Variants in R3HDM1 observed in about 807,000 individuals in gnomAD.
R3HDM1 encodes the protein R3H domain-containing protein 1.
A neutral mutation model predicts 141.1 loss-of-function variants in R3HDM1; 46 were observed. The ratio of observed to expected loss-of-function variants is 0.33; its 90% CI spans 0.26 to 0.42. The LOEUF is 0.42. Among genes scored for constraint, R3HDM1 ranks in the 10% least tolerant of loss-of-function variants. R3HDM1 has a pLI of 1.00. For synonymous variants in R3HDM1, 435 were observed against 472.9 expected (o/e 0.92, Z 1.04); for missense variants, 1,184 against 1,368.3 (o/e 0.87, Z 2.12).
At chr2:135,628,570 A>G (rs758563583) in intron 7 of R3HDM1, among the ~76,000 whole-genome samples, 5 of 152,216 alleles carry the variant, frequency 3.3e-5, no homozygotes, top group Non-Finnish European at 7.3e-5. Context: ...CAGAAAATCA[A>G]TTTAAATGTA....
intron 21 of R3HDM1, among the ~76,000 whole-genome samples, chr2:135,691,430 A>G (rs2072356589): frequency 6.6e-6 from 1 of 152,134 alleles, no homozygotes. Context: ...CCTGGGCAAC[A>G]TAGCAAAACC....
At chr2:135,546,705 A>G (rs1300455680) in intron 1 of R3HDM1, among the ~76,000 whole-genome samples, 1 of 152,106 alleles carries the variant, frequency 6.6e-6, no homozygotes, top group African/African-American at 2.4e-5. Context: ...ACCACAGAAA[A>G]GAAATGGTTA....
intron 21 of R3HDM1, among the ~76,000 whole-genome samples, chr2:135,685,650 G>A (rs1451394755): frequency 6.6e-6 from 1 of 152,024 alleles, no homozygotes; most frequent in Non-Finnish European, 1.5e-5. Flanking sequence ...TATATTCATT[G>A]AGACTCTTCA....
chr2:135,593,743 C>CG (rs61175419), intron 1 of R3HDM1, among the ~76,000 whole-genome samples: 6,711 of 151,974 alleles, frequency 0.044, 498 homozygotes, highest in African/African-American at 0.15. Flanking sequence ...TTTTTTGAGA[C>CG]GGAGTCTGAC....
intron 16 of R3HDM1, among the ~76,000 whole-genome samples, chr2:135,646,634 G>T (rs2064465070): frequency 6.6e-6 from 1 of 151,376 alleles, no homozygotes. Flanking sequence ...GATCACCTGA[G>T]GTCAGGAGTT....
At chr2:135,598,493 C>T (rs2059371883) in intron 1 of R3HDM1, among the ~76,000 whole-genome samples, 1 of 152,130 alleles carries the variant, frequency 6.6e-6, no homozygotes, top group South Asian at 2.1e-4. Context: ...CACAAATTGC[C>T]CCTCTTCTTG....
At chr2:135,673,622 A>C (rs1318516126) in intron 19 of R3HDM1, among the ~76,000 whole-genome samples, 1 of 152,234 alleles carries the variant, frequency 6.6e-6, no homozygotes, top group Non-Finnish European at 1.5e-5. Context: ...AAGGTTTAGA[A>C]AACAGCATAT....
intron 14 of R3HDM1, 105 bp from the exon 15 acceptor site, chr2:135,641,431 G>A (rs1004044044): frequency 7.8e-7 from 1 of 1,273,888 alleles, no homozygotes; most frequent in Admixed American, 2.5e-5. Context: ...ATGCTTTTAT[G>A]TAGTAACTGC....
At chr2:135,658,948 G>A (rs577806927) in intron 18 of R3HDM1, among the ~76,000 whole-genome samples, 126 of 152,128 alleles carry the variant, frequency 8.3e-4, no homozygotes, top group African/African-American at 2.8e-3. Context: ...GGTCTTCAGA[G>A]GCAGTAACAC....
At chr2:135,539,023 C>T (rs185428382) in intron 1 of R3HDM1, among the ~76,000 whole-genome samples, 14 of 152,302 alleles carry the variant, frequency 9.2e-5, no homozygotes, top group Admixed American at 8.5e-4. Context: ...GGGTCAGTAT[C>T]ATCAGTATCA....
intron 1 of R3HDM1, among the ~76,000 whole-genome samples, chr2:135,570,415 T>G (rs1703847033): frequency 6.6e-6 from 1 of 152,272 alleles, no homozygotes; most frequent in African/African-American, 2.4e-5. Context: ...ATCTTTCATT[T>G]GATTTCTGTT....
intron 1 of R3HDM1, among the ~76,000 whole-genome samples, chr2:135,566,279 A>G (rs1702776468): frequency 6.6e-6 from 1 of 152,196 alleles, no homozygotes. Context: ...GGGGGGAAGC[A>G]AGGGAGTTTT....
chr2:135,548,807 T>C (rs982311700), intron 1 of R3HDM1, among the ~76,000 whole-genome samples: 1 of 152,260 alleles, frequency 6.6e-6, no homozygotes, highest in Admixed American at 6.5e-5. Flanking sequence ...TTTTCCTTTC[T>C]GTTGATGGCT....
chr2:135,601,236 T>G (rs1454358275), intron 1 of R3HDM1, among the ~76,000 whole-genome samples: 1 of 152,220 alleles, frequency 6.6e-6, no homozygotes, highest in Non-Finnish European at 1.5e-5. Flanking sequence ...TTGGTCAGAT[T>G]GAGATGACAC....
chr2:135,550,020 G>C (rs1452395779), intron 1 of R3HDM1: 1 of 976,372 alleles, frequency 1.0e-6, no homozygotes, highest in Non-Finnish European at 1.2e-6. Context: ...ATAGCTTTTG[G>C]AATGGCAGTT....
At chr2:135,650,883 G>T (rs1249254616) in intron 17 of R3HDM1, 1 of 985,188 alleles carries the variant, frequency 1.0e-6, no homozygotes, top group African/African-American at 1.7e-5. Flanking sequence ...TTTTTTCAGT[G>T]TTGACCTTTT....
chr2:135,538,628 A>G (rs898452001), intron 1 of R3HDM1, among the ~76,000 whole-genome samples: 7 of 152,168 alleles, frequency 4.6e-5, no homozygotes, highest in African/African-American at 1.2e-4. Flanking sequence ...TGTTTTTGAG[A>G]CGGAGTTTTG....
intron 19 of R3HDM1, among the ~76,000 whole-genome samples, chr2:135,663,147 AAAAAAAAAT>A (rs1476484091): frequency 6.6e-6 from 1 of 151,178 alleles, no homozygotes; most frequent in Admixed American, 6.6e-5. Flanking sequence ...AAAAAAAAAA[AAAAAAAAAT>A]ATGACACTTA....
chr2:135,635,769 G>A, intron 9 of R3HDM1, 121 bp from the exon 10 acceptor site: 2 of 1,220,684 alleles, frequency 1.6e-6, no homozygotes, highest in Non-Finnish European at 2.2e-6. Flanking sequence ...AAGCATCTAT[G>A]GATGGCACTA....
Sources: gnomAD v4.1 joint callset for allele counts (sites outside exome capture counted in the v4.1 genomes callset) on GRCh38, gnomAD v4.1.1 for gene constraint, MANE v1.5 for transcripts, NCBI Gene and HGNC (gene_info 2026-07-23, HGNC 2026-07-21) for gene names.